Variants in CACNA2D3 observed in about 807,000 individuals in gnomAD.
The protein encoded by CACNA2D3 is calcium voltage-gated channel auxiliary subunit alpha2delta 3.
In CACNA2D3, 60 loss-of-function variants were observed where a neutral mutation model predicts 160.6. The ratio of observed to expected loss-of-function variants is 0.37; its 90% CI spans 0.30 to 0.46. CACNA2D3 has a LOEUF of 0.46. CACNA2D3 is among the 20% of genes least tolerant of loss of function. The pLI is 1.00. For synonymous variants in CACNA2D3, 558 were observed against 492.9 expected, an observed-to-expected ratio of 1.13 and a Z score of -1.75; for missense variants, 1,205 against 1,365.0, an observed-to-expected ratio of 0.88 and a Z score of 1.85.
rs1575534654 is a variant in CACNA2D3, at chr3:54,891,336, G to A, written c.2151-19G>A. On this transcript the variant is annotated intron_variant, in intron 24 of 37. Coordinates refer to ENST00000474759, the MANE Select transcript of CACNA2D3 (RefSeq NM_018398.3). ...TACTGTCTAGAGGCCTCCCCCTGACGTCTGTTGTTCTGTTTCAGAAATTCT... is the reference window on the plus strand; with the variant it reads ...TACTGTCTAGAGGCCTCCCCCTGACATCTGTTGTTCTGTTTCAGAAATTCT... The A allele has an allele frequency of 2.6e-5, 42 of 1,592,186 alleles. No homozygotes were observed. The East Asian group carries it at 5.1e-4, about 19-fold the overall frequency.
chr3:54,670,133 G>A (rs944812063), intron 11 of CACNA2D3, among the ~76,000 whole-genome samples: 1 of 152,138 alleles, frequency 6.6e-6, no homozygotes, highest in African/African-American at 2.4e-5. Flanking sequence ...GAATTGCAAG[G>A]CTTCACAGTT....
At chr3:54,202,395 C>A (rs1052120880) in intron 2 of CACNA2D3, among the ~76,000 whole-genome samples, 1 of 152,334 alleles carries the variant, frequency 6.6e-6, no homozygotes, top group South Asian at 2.1e-4. Flanking sequence ...CTGGAAGAAT[C>A]CAGCCCCAAG....
rs936996700 is a variant in CACNA2D3, at chr3:54,397,527, C to T, written c.381+10753C>T. Among the ~76,000 whole-genome samples the T allele has an allele frequency of 9.9e-5, 14 of 141,656 alleles. No homozygotes were observed. In the South Asian group the frequency reaches 2.7e-3, roughly 28 times the overall value. 92.9% of individuals were successfully genotyped at this position (141,656 alleles called of 152,430 possible). A position where few individuals can be genotyped will look rare whatever the true frequency, so the allele number is the denominator to read the frequency against. On this transcript the variant is annotated intron_variant, in intron 4 of 37. Coordinates refer to ENST00000474759, the MANE Select transcript of CACNA2D3 (RefSeq NM_018398.3). Reference sequence around the variant, plus strand: ...TTCTGGTATGTGGTGTCTTTGTTCTCGTTGGTTTCAAAGAACATTTTTATT... The same window carrying T: ...TTCTGGTATGTGGTGTCTTTGTTCTTGTTGGTTTCAAAGAACATTTTTATT...
chr3:54,977,319 C>G (rs751441145), intron 29 of CACNA2D3, among the ~76,000 whole-genome samples: 4 of 152,158 alleles, frequency 2.6e-5, no homozygotes, highest in African/African-American at 4.8e-5. Flanking sequence ...CTGCCTCTGA[C>G]AGATTCTAAT....
At chr3:54,932,685 G>A (rs1378527499) in intron 27 of CACNA2D3, among the ~76,000 whole-genome samples, 1 of 152,146 alleles carries the variant, frequency 6.6e-6, no homozygotes, top group African/African-American at 2.4e-5. Context: ...CGTGTGATGA[G>A]CCCTTATAAC....
At chr3:54,603,738 AC>A (rs1703108453) in intron 9 of CACNA2D3, among the ~76,000 whole-genome samples, 1 of 152,236 alleles carries the variant, frequency 6.6e-6, no homozygotes, top group African/African-American at 2.4e-5. Context: ...ACAATTTCTT[AC>A]TACACGAAAC....
At chr3:54,526,247 G>A (rs1701720710) in intron 5 of CACNA2D3, among the ~76,000 whole-genome samples, 1 of 151,840 alleles carries the variant, frequency 6.6e-6, no homozygotes, top group South Asian at 2.1e-4. Context: ...CTTTAATTAT[G>A]GTTTTCTTTA....
chr3:54,141,738 G>A lies in CACNA2D3; in HGVS notation c.204+18144G>A, dbSNP rs556531107. ...TCCACTTCATTTGTAGGGAGGAACT[G>A]GAGAGCATCTCCAGAGAAAATGTTA... is the stretch of plus-strand genomic sequence containing the variant. On this transcript the variant is annotated intron_variant, in intron 2 of 37. Transcript: ENST00000474759. Among the ~76,000 whole-genome samples the A allele has an allele frequency of 1.5e-4, 23 of 152,258 alleles. No individual in the cohort carries two copies. In the South Asian group the frequency reaches 3.5e-3, roughly 23 times the overall value.
intron 2 of CACNA2D3, among the ~76,000 whole-genome samples, chr3:54,308,669 G>A (rs1219572564): frequency 3.3e-5 from 5 of 152,180 alleles, no homozygotes; most frequent in African/African-American, 4.8e-5. Context: ...CTCCTTGGTA[G>A]CAGTGTAACT....
intron 2 of CACNA2D3, among the ~76,000 whole-genome samples, chr3:54,137,974 A>G (rs995709227): frequency 2.0e-5 from 3 of 152,246 alleles, no homozygotes; most frequent in African/African-American, 7.2e-5. Context: ...CCCCAGTAAT[A>G]ACGATCAGTG....
intron 35 of CACNA2D3, among the ~76,000 whole-genome samples, chr3:55,023,561 T>C (rs1703504365): frequency 6.6e-6 from 1 of 152,168 alleles, no homozygotes; most frequent in African/African-American, 2.4e-5. Flanking sequence ...TTCTTCTATC[T>C]GTGTTTTTCC....
chr3:54,605,418 A>C (rs1429714876), intron 9 of CACNA2D3, among the ~76,000 whole-genome samples: 1 of 152,028 alleles, frequency 6.6e-6, no homozygotes, highest in East Asian at 1.9e-4. Flanking sequence ...AACCCCATCC[A>C]TTCCCAGTCT....
chr3:54,352,181 T>A (rs1698576128), intron 3 of CACNA2D3, among the ~76,000 whole-genome samples: 1 of 152,182 alleles, frequency 6.6e-6, no homozygotes, highest in Non-Finnish European at 1.5e-5. Context: ...TGTACCTGAT[T>A]TCTAGTCCTG....
chr3:54,438,507 G>A (rs1018445323), intron 4 of CACNA2D3, among the ~76,000 whole-genome samples: 2 of 152,174 alleles, frequency 1.3e-5, no homozygotes, highest in East Asian at 3.9e-4. Flanking sequence ...CTCCCTGGGC[G>A]ATGGAAAAGC....
chr3:54,835,213 T>C (rs1246037237), intron 14 of CACNA2D3, among the ~76,000 whole-genome samples: 2 of 152,204 alleles, frequency 1.3e-5, no homozygotes, highest in Non-Finnish European at 2.9e-5. Flanking sequence ...TATAAAAGCA[T>C]GGCCCCCTCC....
rs528339000 is a variant in CACNA2D3 at position 54,820,784 on chromosome 3, G to A, written c.1398+3914G>A. On this transcript the variant is annotated intron_variant, in intron 14 of 37. Coordinates refer to ENST00000474759, the MANE Select transcript of CACNA2D3 (RefSeq NM_018398.3). The stretch of plus-strand genomic sequence containing the variant: ...CTTCTTTACTTCTACAGAAGTGTCC[G>A]AGAGATCTGATTTTATGATAATAAC... Among the ~76,000 whole-genome samples, 20 of 152,206 alleles carry A rather than the reference G, an allele frequency of 1.3e-4. No homozygotes were observed. In the South Asian group the frequency reaches 1.9e-3, roughly 14 times the overall value.
At chr3:54,834,562 A>G (rs1469820744) in intron 14 of CACNA2D3, among the ~76,000 whole-genome samples, 1 of 152,228 alleles carries the variant, frequency 6.6e-6, no homozygotes. Flanking sequence ...GGCAACACTA[A>G]CTGTCAGCAT....
chr3:54,476,793 C>A (rs1700838558), intron 4 of CACNA2D3, among the ~76,000 whole-genome samples: 1 of 152,124 alleles, frequency 6.6e-6, no homozygotes, highest in Admixed American at 6.6e-5. Flanking sequence ...AGTTTCTTAT[C>A]TATCTTGGGT....
At chr3:54,293,562 A>G (rs935664876) in intron 2 of CACNA2D3, among the ~76,000 whole-genome samples, 3 of 102,646 alleles carry the variant, frequency 2.9e-5, no homozygotes, top group African/African-American at 9.8e-5. Context: ...GTAATATTCT[A>G]TTATATATAT....
Sources: gnomAD v4.1 joint callset for allele counts (sites outside exome capture counted in the v4.1 genomes callset) on GRCh38, gnomAD v4.1.1 for gene constraint, MANE v1.5 for transcripts, NCBI Gene and HGNC (gene_info 2026-07-23, HGNC 2026-07-21) for gene names.